DOCK11: variants seen among roughly 807,000 people sequenced by gnomAD.
The protein encoded by DOCK11 is dedicator of cytokinesis 11.
Under a neutral mutation model 169.1 loss-of-function variants are expected in DOCK11, and 70 were observed. The ratio of observed to expected loss-of-function variants is 0.41; its 90% CI spans 0.34 to 0.51. The LOEUF (loss-of-function observed/expected upper bound fraction) is 0.51, where lower values mean the gene tolerates loss of function less well. DOCK11 is among the 20% of genes least tolerant of loss of function. The pLI is 0.10. For synonymous variants in DOCK11, 529 were observed against 541.3 expected (o/e 0.98, Z 0.32); for missense variants, 1,166 against 1,538.8 (o/e 0.76, Z 4.05).
intron 32 of DOCK11, among the ~76,000 whole-genome samples, 168 bp from the exon 33 acceptor site, chrX:118,627,335 CT>C (rs375123707): frequency 2.5e-4 from 26 of 105,609 alleles, no homozygotes; most frequent in Admixed American, 3.1e-4. Context: ...ATGCTAGTAG[CT>C]TTTTTTTTTT....
At chrX:118,581,498 T>G (rs2013630930) in intron 14 of DOCK11, among the ~76,000 whole-genome samples, 1 of 111,520 alleles carries the variant, frequency 9.0e-6, no homozygotes, top group Non-Finnish European at 1.9e-5. Context: ...CTATTATTAT[T>G]GTTAATAGTT....
intron 1 of DOCK11, among the ~76,000 whole-genome samples, chrX:118,531,437 A>C (rs1405378109): frequency 4.5e-5 from 4 of 88,315 alleles, no homozygotes; most frequent in Non-Finnish European, 9.1e-5. Context: ...AAAAAAAAAA[A>C]AAAAAAAAAA....
At chrX:118,556,651 G>A (rs1305105603) in intron 6 of DOCK11, among the ~76,000 whole-genome samples, 1 of 108,400 alleles carries the variant, frequency 9.2e-6, no homozygotes, top group Admixed American at 1.0e-4. Flanking sequence ...CAGCTACTCG[G>A]GAGGCTGAGG....
At chrX:118,672,599 ATAT>A (rs748886736) in intron 46 of DOCK11, among the ~76,000 whole-genome samples, 47 of 111,587 alleles carry the variant, frequency 4.2e-4, no homozygotes, top group Middle Eastern at 9.4e-3. Flanking sequence ...CGCCCGACTA[ATAT>A]TTTTTTGTAT....
Position 118,654,883 on chromosome X carries a change from TTC to T in DOCK11, c.4912-17_4912-16del, listed in dbSNP as rs2016028380. The T allele has an allele frequency of 8.3e-7, 1 of 1,206,607 alleles. No homozygotes were observed. Among genetic ancestry groups the T allele is most frequent in the Admixed American group, 2.2e-5 (1 of 45,741 alleles). On this transcript the variant is annotated intron_variant, in intron 43 of 52. Transcript: ENST00000276202. ...ACCTTGAGCATGTTCTGACAGTTCT[TTC>T]TCTGTCATCCTTTTTCAGGCTGCGA...
At chrX:118,663,800 G>A (rs931407330) in intron 45 of DOCK11, among the ~76,000 whole-genome samples, 1 of 104,156 alleles carries the variant, frequency 9.6e-6, no homozygotes, top group African/African-American at 3.5e-5. Flanking sequence ...TCAGCCTACC[G>A]AGTACCAGGG....
intron 35 of DOCK11, chrX:118,634,207 A>T (rs924006201): frequency 1.8e-5 from 2 of 111,690 alleles, no homozygotes; most frequent in Admixed American, 9.5e-5. Flanking sequence ...ATGTTTTTTT[A>T]AAATTGTCAG....
At chrX:118,654,457 A>C (rs2016017519) in intron 42 of DOCK11, 145 bp from the exon 43 acceptor site, 1 of 464,880 alleles carries the variant, frequency 2.2e-6, no homozygotes, top group Non-Finnish European at 3.5e-6. Context: ...AAAATAATTT[A>C]TTTAAAATTA....
intron 12 of DOCK11, among the ~76,000 whole-genome samples, chrX:118,575,465 T>C (rs2013415632): frequency 1.8e-5 from 2 of 112,508 alleles, no homozygotes; most frequent in South Asian, 7.3e-4. Context: ...TGTTGAATTA[T>C]CTCCTTAGAA....
chrX:118,657,546 A>G lies in DOCK11; in HGVS notation c.4969+2585A>G, dbSNP rs148475196. Among the ~76,000 whole-genome samples the G allele has an allele frequency of 1.0e-3, 112 of 112,109 alleles. 2 individuals carry two copies. The highest frequency in any genetic ancestry group is 3.6e-3 in the African/African-American group (110 of 30,923). ...AAAATTCTATTTGCCTAAATTAGAA[A>G]ACCTTATTCTAAAATAGTGGTAGTA... On this transcript the variant is annotated intron_variant, in intron 44 of 52. Transcript: ENST00000276202.
intron 20 of DOCK11, among the ~76,000 whole-genome samples, chrX:118,596,302 GC>G (rs1308909826): frequency 8.9e-6 from 1 of 112,069 alleles, no homozygotes; most frequent in Non-Finnish European, 1.9e-5. Context: ...TAGTAAAGAT[GC>G]CCGTCAGGCA....
chrX:118,658,080 G>T (rs891628597), intron 44 of DOCK11, among the ~76,000 whole-genome samples: 7 of 111,541 alleles, frequency 6.3e-5, no homozygotes, highest in Non-Finnish European at 1.3e-4. Flanking sequence ...AAATACATTT[G>T]AGTGCAGAAC....
rs763099507 is a variant in DOCK11, at chrX:118,578,251, G to A, written c.1390-274G>A. ...TCCACTCGAGAAATGTACTCACTTC[G>A]CATACACAACCAAACCAAAGAGGCA... On this transcript the variant is annotated intron_variant, in intron 12 of 52. Transcript: ENST00000276202. Among the ~76,000 whole-genome samples the A allele has an allele frequency of 3.6e-5, 4 of 111,536 alleles. No individual in the cohort carries two copies. The East Asian group carries it at 1.1e-3, about 31-fold the overall frequency.
intron 45 of DOCK11, among the ~76,000 whole-genome samples, chrX:118,669,931 C>T (rs953576339): frequency 9.0e-6 from 1 of 111,443 alleles, no homozygotes; most frequent in Non-Finnish European, 1.9e-5. Flanking sequence ...GGTGTTTTCC[C>T]TGTGTGTCTC....
intron 29 of DOCK11, among the ~76,000 whole-genome samples, chrX:118,615,303 T>A (rs1166600067): frequency 2.7e-5 from 3 of 112,264 alleles, no homozygotes; most frequent in Non-Finnish European, 5.6e-5. Context: ...AAAGCAGGTG[T>A]TCACTATAAA....
At chrX:118,685,196 C>T (rs1343980273) in intron 52 of DOCK11, among the ~76,000 whole-genome samples, 1 of 111,933 alleles carries the variant, frequency 8.9e-6, no homozygotes, top group African/African-American at 3.2e-5. Context: ...TTAGCTTATA[C>T]AATTATAATG....
chrX:118,512,959 T>G (rs185746219), intron 1 of DOCK11, among the ~76,000 whole-genome samples: 2 of 111,902 alleles, frequency 1.8e-5, no homozygotes, highest in East Asian at 5.6e-4. Context: ...ATCTTCCCCT[T>G]TCCACCTTCT....
intron 1 of DOCK11, among the ~76,000 whole-genome samples, chrX:118,504,751 C>G (rs891806012): frequency 2.7e-5 from 3 of 111,841 alleles, no homozygotes; most frequent in Non-Finnish European, 5.6e-5. Flanking sequence ...CCGTTTATAT[C>G]AGCCTACAGC....
chrX:118,538,702 C>T, intron 1 of DOCK11: 1 of 748,164 alleles, frequency 1.3e-6, no homozygotes, highest in Non-Finnish European at 1.6e-6. Context: ...TTTAAGGTAC[C>T]ATTTATTGTA....
Sources: allele counts gnomAD v4.1 joint callset (sites outside exome capture counted in the v4.1 genomes callset), GRCh38; gene constraint gnomAD v4.1.1; transcripts MANE v1.5; gene names NCBI Gene and HGNC (gene_info 2026-07-23, HGNC 2026-07-21).